The following NUDT21 variants were observed in gnomAD, a reference collection of about 807,000 sequenced individuals.
NUDT21 encodes the protein nudix hydrolase 21.
In NUDT21, 5 loss-of-function variants were observed where a neutral mutation model predicts 29.8. The observed-to-expected ratio is 0.17, with a 90% confidence interval of 0.09 to 0.35. The LOEUF (loss-of-function observed/expected upper bound fraction) is 0.35. Among genes scored for constraint, NUDT21 ranks in the 10% least tolerant of loss-of-function variants. The pLI is 1.00. For missense variants in NUDT21, 76 were observed against 276.0 expected (o/e 0.28, Z 5.13); for synonymous variants, 113 against 98.5 (o/e 1.15, Z -0.87).
intron 3 of NUDT21, among the ~76,000 whole-genome samples, chr16:56,440,170 C>T (rs1292737484): frequency 6.6e-6 from 1 of 152,130 alleles, no homozygotes; most frequent in Non-Finnish European, 1.5e-5. Flanking sequence ...ATGTTTTCTT[C>T]TATTTTTAAA....
chr16:56,439,823 C>T (rs912199583), intron 3 of NUDT21, 77 bp from the exon 4 acceptor site: 67 of 1,087,930 alleles, frequency 6.2e-5, no homozygotes, highest in Non-Finnish European at 9.3e-5. Context: ...ACAGAAAATT[C>T]TTAGCAGTGC....
rs1461357729 is a variant in NUDT21 at position 56,431,815 on chromosome 16, T to A, written c.*897A>T. The A allele has an allele frequency of 1.3e-5, 2 of 152,330 alleles. No individual in the cohort carries two copies. Among genetic ancestry groups the A allele is most frequent in the East Asian group, 3.9e-4 (2 of 5,190 alleles). The allele number at this position is 152,330 out of a possible 1,614,324, so 9.4% of individuals were successfully genotyped here. A position where few individuals can be genotyped will look rare whatever the true frequency, so the allele number is the denominator to read the frequency against. On this transcript the variant is annotated 3_prime_UTR_variant, in exon 7 of 7. Coordinates refer to ENST00000300291, the MANE Select transcript of NUDT21 (RefSeq NM_007006.3). ...CCCAGTTTTCGGTTGATTCACATTA[T>A]TCCAAAAATATTTTTGAAGGCTCTG...
At chr16:56,447,669 A>C in intron 2 of NUDT21, 120 bp downstream of exon 2, 1 of 798,534 alleles carries the variant, frequency 1.3e-6, no homozygotes, top group Non-Finnish European at 2.0e-6. Context: ...CTTTCTAAAG[A>C]CATCATTAAC....
chr16:56,441,421 G>C (rs1962158020), intron 3 of NUDT21, among the ~76,000 whole-genome samples: 1 of 151,984 alleles, frequency 6.6e-6, no homozygotes, highest in Middle Eastern at 3.4e-3. Flanking sequence ...TTTTAGTAGA[G>C]ACAGGGTTTC....
intron 6 of NUDT21, among the ~76,000 whole-genome samples, chr16:56,433,322 G>A (rs1156550547): frequency 6.6e-6 from 1 of 152,190 alleles, no homozygotes; most frequent in Non-Finnish European, 1.5e-5. Context: ...ATAATCCTCT[G>A]AAGTAGAGAC....
rs1962021202 is a variant in NUDT21 at position 56,430,446 on chromosome 16, A to G, written c.*2266T>C. 1 of 152,224 alleles carries G rather than the reference A, an allele frequency of 6.6e-6. No individual in the cohort carries two copies. The highest frequency in any genetic ancestry group is 6.5e-5 in the Admixed American group (1 of 15,288). 9.4% of individuals were successfully genotyped at this position (152,224 alleles called of 1,614,324 possible). On this transcript the variant is annotated 3_prime_UTR_variant, in exon 7 of 7. Transcript: ENST00000300291. ...ATATTGTAGTTTTAGAACGCAAAAG[A>G]GCTTTCATTTTAGACAAATATACAA...
chr16:56,430,793 T>C lies in NUDT21; in HGVS notation c.*1919A>G, dbSNP rs1270851784. The stretch of plus-strand genomic sequence containing the variant: ...AACCAGATCTCTTACATTTCAAGGT[T>C]AGTAACCCAGCCATCCTGAATCAAA... On this transcript the variant is annotated 3_prime_UTR_variant, in exon 7 of 7. Transcript: ENST00000300291. 6.6e-6 allele frequency: 1 copy of C among 152,266 alleles called. No homozygotes were observed. Among genetic ancestry groups the C allele is most frequent in the East Asian group, 1.9e-4 (1 of 5,202 alleles). 9.4% of individuals were successfully genotyped at this position (152,266 alleles called of 1,614,324 possible).
At chr16:56,439,460 G>A (rs1222725294) in intron 4 of NUDT21, 197 bp downstream of exon 4, 7 of 533,184 alleles carry the variant, frequency 1.3e-5, no homozygotes, top group Non-Finnish European at 2.4e-5. Flanking sequence ...ACAGGCATGA[G>A]CCACCTCGCC....
At chr16:56,446,728 C>A in intron 2 of NUDT21, 39 bp from the exon 3 acceptor site, 1 of 1,255,122 alleles carries the variant, frequency 8.0e-7, no homozygotes, top group East Asian at 2.4e-5. Context: ...CAACTTAATA[C>A]AATTTGGAGA....
chr16:56,435,452 C>G (rs1235439887), intron 4 of NUDT21, among the ~76,000 whole-genome samples: 2 of 151,384 alleles, frequency 1.3e-5, no homozygotes, highest in Non-Finnish European at 2.9e-5. Context: ...ATAGGCTGGG[C>G]ACAGTGGCTC....
At chr16:56,433,328 G>C (rs1310749011) in intron 6 of NUDT21, among the ~76,000 whole-genome samples, 1 of 152,198 alleles carries the variant, frequency 6.6e-6, no homozygotes, top group Non-Finnish European at 1.5e-5. Flanking sequence ...CTCTGAAGTA[G>C]AGACTACTAT....
chr16:56,444,680 A>AG (rs1185243463), intron 3 of NUDT21, among the ~76,000 whole-genome samples: 1 of 151,814 alleles, frequency 6.6e-6, no homozygotes, highest in Non-Finnish European at 1.5e-5. Flanking sequence ...GAGGTCCAAG[A>AG]GTCTGACTAT....
intron 1 of NUDT21, 137 bp downstream of exon 1, chr16:56,450,950 A>C (rs1962300872): frequency 3.0e-6 from 2 of 668,062 alleles, no homozygotes; most frequent in Non-Finnish European, 5.2e-6. Context: ...GAGAGGGAGG[A>C]AGGCGCGCAT....
chr16:56,436,601 A>C (rs1962106683), intron 4 of NUDT21, among the ~76,000 whole-genome samples: 1 of 152,218 alleles, frequency 6.6e-6, no homozygotes, highest in Non-Finnish European at 1.5e-5. Context: ...AGCACAAGCT[A>C]AGAGATCTGT....
At chr16:56,437,466 T>G (rs889260508) in intron 4 of NUDT21, among the ~76,000 whole-genome samples, 3 of 152,150 alleles carry the variant, frequency 2.0e-5, no homozygotes, top group African/African-American at 7.2e-5. Flanking sequence ...AACATGCTTT[T>G]TGTGTGTGTG....
chr16:56,439,514 C>A, intron 4 of NUDT21, 143 bp downstream of exon 4: 1 of 701,646 alleles, frequency 1.4e-6, no homozygotes, highest in Non-Finnish European at 2.5e-6. Context: ...ATAAGAAGTG[C>A]TTGGCTTAAT....
At chr16:56,437,540 C>T (rs1376855716) in intron 4 of NUDT21, among the ~76,000 whole-genome samples, 1 of 152,164 alleles carries the variant, frequency 6.6e-6, no homozygotes, top group Non-Finnish European at 1.5e-5. Flanking sequence ...AGAGGGTTCC[C>T]TGTTTGCTGC....
At position 56,448,136 on chromosome 16, in the gene NUDT21, ACAG is replaced by A. The variant is rs1405611644; in HGVS notation, c.117-150_117-148del. 3 of 651,568 alleles carry A rather than the reference ACAG, an allele frequency of 4.6e-6. No individual in the cohort carries two copies. In the African/African-American group the frequency reaches 5.5e-5, roughly 12 times the overall value. 40.4% of individuals were successfully genotyped at this position (651,568 alleles called of 1,614,324 possible). On this transcript the variant is annotated intron_variant, in intron 1 of 6. Transcript: ENST00000300291. Reference sequence around the variant, plus strand: ...TGTACAGTTAACTAAAGTTAATGAAACAGCAGAGACTGGAATCTTGCTCTCTGG... The same window carrying A: ...TGTACAGTTAACTAAAGTTAATGAAACAGAGACTGGAATCTTGCTCTCTGG...
Position 56,447,962 on chromosome 16 carries a change from A to G in NUDT21, c.144T>C (p.Gly48=), listed in dbSNP as rs1341693259. 6.2e-7 allele frequency: 1 copy of G among 1,614,024 alleles called. No individual in the cohort carries two copies. The highest frequency in any genetic ancestry group is 2.2e-5 in the East Asian group (1 of 44,880). ...NLYPLTNYTF[G]TKEPLYEKDS... Reference sequence around the variant, plus strand: ...CCTTCTCGTAGAGGGGCTCTTTTGTACCAAAAGTATAATTGGTAAGAGGGT... The same window carrying G: ...CCTTCTCGTAGAGGGGCTCTTTTGTGCCAAAAGTATAATTGGTAAGAGGGT... The change falls in exon 2 of 7, where the codon GGT becomes GGC. Residue 48 remains glycine (G), a synonymous_variant. Coordinates refer to ENST00000300291, the MANE Select transcript of NUDT21 (RefSeq NM_007006.3).
Sources: gnomAD v4.1 joint callset for allele counts (sites outside exome capture counted in the v4.1 genomes callset) on GRCh38, gnomAD v4.1.1 for gene constraint, MANE v1.5 for transcripts, NCBI Gene and HGNC (gene_info 2026-07-23, HGNC 2026-07-21) for gene names.